The following MYO16 variants were observed in gnomAD, a reference collection of about 807,000 sequenced individuals.
MYO16 encodes the protein unconventional myosin-XVI.
MYO16 carries 94 observed loss-of-function variants against 205.3 expected under a neutral mutation model. That is an observed-to-expected ratio of 0.46 (90% CI 0.39 to 0.54). MYO16 has a LOEUF of 0.54. Among genes scored for constraint, MYO16 ranks in the 20% least tolerant of loss-of-function variants. MYO16 has a pLI of 0.00. For missense variants in MYO16, 2,315 were observed against 2,387.5 expected, an observed-to-expected ratio of 0.97 and a Z score of 0.63; for synonymous variants, 988 against 954.0, an observed-to-expected ratio of 1.04 and a Z score of -0.66.
At chr13:109,173,722 C>T (rs1168678304) in intron 33 of MYO16, among the ~76,000 whole-genome samples, 3 of 151,096 alleles carry the variant, frequency 2.0e-5, no homozygotes, top group Admixed American at 6.6e-5. Flanking sequence ...GGTGAAACCC[C>T]GTCTCTACTA....
the MYO16 span, among the ~76,000 whole-genome samples, chr13:108,527,052 G>T: frequency 1.3e-5 from 2 of 152,166 alleles, no homozygotes; most frequent in Admixed American, 1.3e-4. Context: ...TGTGATCACA[G>T]ATGGTGAGTT....
intron 23 of MYO16, among the ~76,000 whole-genome samples, chr13:109,034,523 C>T (rs1886651005): frequency 6.6e-6 from 1 of 152,178 alleles, no homozygotes; most frequent in Non-Finnish European, 1.5e-5. Context: ...CTGAGGCCTC[C>T]CTAGCCATGC....
At chr13:108,876,290 A>G (rs984807620) in intron 12 of MYO16, among the ~76,000 whole-genome samples, 6 of 152,200 alleles carry the variant, frequency 3.9e-5, no homozygotes, top group Admixed American at 3.9e-4. Flanking sequence ...AAAAACATTT[A>G]AAATTAAAAG....
chr13:108,768,999 AAT>A (rs1478129883), intron 4 of MYO16, among the ~76,000 whole-genome samples: 4 of 152,172 alleles, frequency 2.6e-5, no homozygotes, highest in Non-Finnish European at 5.9e-5. Context: ...CAGTAATATA[AAT>A]ATGTTAGTTA....
At chr13:108,509,282 A>G in the MYO16 span, among the ~76,000 whole-genome samples, 1 of 152,192 alleles carries the variant, frequency 6.6e-6, no homozygotes, top group African/African-American at 2.4e-5. Context: ...CCTGAAGAGT[A>G]TTTTTAAGTG....
At chr13:108,971,585 A>G (rs1309830862) in intron 20 of MYO16, among the ~76,000 whole-genome samples, 8 of 151,444 alleles carry the variant, frequency 5.3e-5, no homozygotes, top group Admixed American at 3.3e-4. Flanking sequence ...GTTAAATATT[A>G]TGTATATTAA....
chr13:108,963,912 CT>C (rs1883687025), intron 19 of MYO16, among the ~76,000 whole-genome samples: 1 of 152,206 alleles, frequency 6.6e-6, no homozygotes, highest in Admixed American at 6.5e-5. Flanking sequence ...TTCACTGCCC[CT>C]TCCCCTTGTG....
intron 17 of MYO16, among the ~76,000 whole-genome samples, chr13:108,958,189 T>G (rs1364884167): frequency 6.8e-6 from 1 of 147,694 alleles, no homozygotes; most frequent in African/African-American, 2.5e-5. Context: ...TATATTTTAA[T>G]CATAAACTTT....
intron 20 of MYO16, among the ~76,000 whole-genome samples, chr13:108,973,941 G>GT (rs1290221862): frequency 6.6e-6 from 1 of 151,348 alleles, no homozygotes; most frequent in East Asian, 1.9e-4. Context: ...CTGCTGGCTG[G>GT]TTAAAAAAAA....
the MYO16 span, among the ~76,000 whole-genome samples, chr13:108,521,396 G>A: frequency 3.3e-5 from 5 of 152,326 alleles, no homozygotes; most frequent in East Asian, 3.9e-4. Context: ...TTGCAAGTCA[G>A]CACTGACTAG....
chr13:109,090,086 G>T (rs528954186), intron 27 of MYO16, among the ~76,000 whole-genome samples: 1 of 152,194 alleles, frequency 6.6e-6, no homozygotes, highest in Non-Finnish European at 1.5e-5. Context: ...CCTAAAAGAC[G>T]ATAGCAGCCT....
At chr13:108,725,167 A>C (rs1259072338) in intron 3 of MYO16, among the ~76,000 whole-genome samples, 1 of 152,170 alleles carries the variant, frequency 6.6e-6, no homozygotes, top group Admixed American at 6.5e-5. Flanking sequence ...TTATGTACTT[A>C]ACATCTTCAA....
chr13:108,855,043 G>C (rs1190242440), intron 10 of MYO16, among the ~76,000 whole-genome samples: 2 of 152,136 alleles, frequency 1.3e-5, no homozygotes, highest in Admixed American at 6.5e-5. Flanking sequence ...GAAAAGTTTT[G>C]CTTTAGCTTA....
chr13:109,103,629 C>T (rs1889037776), intron 28 of MYO16, among the ~76,000 whole-genome samples: 1 of 152,192 alleles, frequency 6.6e-6, no homozygotes, highest in Admixed American at 6.5e-5. Flanking sequence ...TCTCTTCTCT[C>T]TTTAACTTTA....
chr13:108,497,908 T>TA, the MYO16 span, among the ~76,000 whole-genome samples: 2 of 152,248 alleles, frequency 1.3e-5, no homozygotes, highest in Non-Finnish European at 1.5e-5. Flanking sequence ...GGAGACTGAA[T>TA]AAAAATAGAA....
chr13:108,830,652 C>T (rs1473908334), intron 9 of MYO16, among the ~76,000 whole-genome samples: 1 of 149,394 alleles, frequency 6.7e-6, no homozygotes, highest in Non-Finnish European at 1.5e-5. Context: ...GGAGATATAC[C>T]TAATGCTAGA....
chr13:109,143,148 C>A (rs1476137366), intron 32 of MYO16, among the ~76,000 whole-genome samples: 1 of 152,164 alleles, frequency 6.6e-6, no homozygotes, highest in Admixed American at 6.5e-5. Context: ...TTTATGCATG[C>A]ATTAACCTGC....
At chr13:108,660,845 GT>G (rs1213291855) in intron 1 of MYO16, among the ~76,000 whole-genome samples, 1 of 152,050 alleles carries the variant, frequency 6.6e-6, no homozygotes, top group Non-Finnish European at 1.5e-5. Context: ...CTTTGGTTTT[GT>G]TTTTTGTTTT....
chr13:109,186,211 A>G (rs1377523497), intron 34 of MYO16, among the ~76,000 whole-genome samples: 2 of 152,216 alleles, frequency 1.3e-5, no homozygotes, highest in African/African-American at 2.4e-5. Context: ...TATCGATACA[A>G]TAAGAAACTA....
Sources: allele counts gnomAD v4.1 joint callset (sites outside exome capture counted in the v4.1 genomes callset), GRCh38; gene constraint gnomAD v4.1.1; transcripts MANE v1.5; gene names NCBI Gene and HGNC (gene_info 2026-07-23, HGNC 2026-07-21).